The following SPEG variants were observed in gnomAD, a reference collection of about 807,000 sequenced individuals.
SPEG encodes striated muscle preferentially expressed protein kinase.
In SPEG, 114 loss-of-function variants were observed where a neutral mutation model predicts 300.4. That is an observed-to-expected ratio of 0.38 (90% CI 0.33 to 0.44). The LOEUF is 0.44. SPEG is among the 20% of genes least tolerant of loss of function. The probability of loss-of-function intolerance (pLI) is 1.00; values close to 1 mark genes in which losing one functional copy is unlikely to be tolerated. For synonymous variants in SPEG, 1,964 were observed against 2,018.9 expected (o/e 0.97, Z 0.73); for missense variants, 4,201 against 4,586.2 (o/e 0.92, Z 2.43).
At chr2:219,468,258 T>C (rs1386409165) in intron 10 of SPEG, among the ~76,000 whole-genome samples, 1 of 145,252 alleles carries the variant, frequency 6.9e-6, no homozygotes, top group Non-Finnish European at 1.5e-5. Flanking sequence ...TAGGACCCTA[T>C]CAGAGCTGGG....
chr2:219,489,972 G>C lies in SPEG; in HGVS notation c.8921+33G>C, dbSNP rs747834821. 4 of 1,530,378 alleles carry C rather than the reference G, an allele frequency of 2.6e-6. No individual in the cohort carries two copies. In the African/African-American group the frequency reaches 5.5e-5, roughly 21 times the overall value. The allele number at this position is 1,530,378 out of a possible 1,614,324, so 94.8% of individuals were successfully genotyped here. A position where few individuals can be genotyped will look rare whatever the true frequency, so the allele number is the denominator to read the frequency against. ...GGGCTGGGGAAGGGAAGAGGACAGA[G>C]GGGAGTGGGCCAAATGTCTGGAGCA... On this transcript the variant is annotated intron_variant, in intron 36 of 40. Coordinates refer to ENST00000312358, the MANE Select transcript of SPEG (RefSeq NM_005876.5).
At position 219,445,082 on chromosome 2, in the gene SPEG, G is replaced by C. The variant is rs923096098; in HGVS notation, c.736G>C (p.Glu246Gln). Residue 246 changes from glutamate (E) to glutamine (Q), a missense_variant, in exon 3 of 41, where the codon GAG (glutamate) becomes CAG (glutamine). Physicochemically the swap from Glu to Gln is conservative, Grantham distance 29 (BLOSUM62 2). This residue lies in a region of SPEG where 1,258 missense variants were observed against 1,293.9 expected (regional missense o/e 0.97). Transcript: ENST00000312358. The surrounding 1 kb of genome is among the most constrained non-coding windows in gnomAD (Gnocchi z 6.1). ...ANLVGASWGSEDSLSVASDLY... is the reference protein window; with the variant it reads ...ANLVGASWGSQDSLSVASDLY... ...TCTGGTGGGCGCAAGCTGGGGGTCA[G>C]AGGATAGCCTTTCCGTGGCCAGTGA... is the stretch of plus-strand genomic sequence containing the variant. 1.2e-6 allele frequency: 2 copies of C among 1,604,882 alleles called. No homozygotes were observed. The highest frequency in any genetic ancestry group is 1.7e-6 in the Non-Finnish European group (2 of 1,175,862).
chr2:219,462,380 T>A lies in SPEG; in HGVS notation c.2699T>A (p.Val900Asp). 6.4e-7 allele frequency: 1 copy of A among 1,557,568 alleles called. No individual in the cohort carries two copies. The highest frequency in any genetic ancestry group is 8.7e-7 in the Non-Finnish European group (1 of 1,150,060). ...IRVQGEPKPV[V>D]SWLRNRQPVR... ...GTGCAGGGGGAGCCCAAGCCTGTGG[T>A]CTCCTGGTGAGTAGCCGCACTTTCC... is the stretch of plus-strand genomic sequence containing the variant. Residue 900 changes from valine to aspartate, a missense_variant, in exon 8 of 41, where the codon GTC (valine) becomes GAC (aspartate). By Grantham distance (152) the Val-to-Asp change is radical. Transcript: ENST00000312358.
Position 219,479,293 on chromosome 2 carries a change from C to A in SPEG, c.5085+92C>A. On this transcript the variant is annotated intron_variant, in intron 23 of 40. Transcript: ENST00000312358. The surrounding 1 kb of genome is among the most constrained non-coding windows in gnomAD (Gnocchi z 5.5). ...AACAAATGGGTCCTGAGTGTGCCAT[C>A]TGTGCCCACAGGAAGCCAGGGGTGG... 8.8e-7 allele frequency: 1 copy of A among 1,132,304 alleles called. No homozygotes were observed. The highest frequency in any genetic ancestry group is 1.3e-6 in the Non-Finnish European group (1 of 764,542). The allele number at this position is 1,132,304 out of a possible 1,614,324, so 70.1% of individuals were successfully genotyped here.
rs1386217462 is a variant in SPEG, at chr2:219,483,571, G to C, written c.6108G>C (p.Ala2036=). ...TGGGCCGGGGCCTGCACAAGGCGGC[G>C]TCTGTGGAGCTGCCGCAGCGCCGGA... ...RELGRGLHKA[A]SVELPQRRSP... Residue 2036 remains alanine (A), a synonymous_variant, in exon 30 of 41, where the codon GCG becomes GCC. Coordinates refer to ENST00000312358, the MANE Select transcript of SPEG (RefSeq NM_005876.5). 4.8e-6 allele frequency: 7 copies of C among 1,456,712 alleles called. No homozygotes were observed. In the South Asian group the frequency reaches 7.0e-5, roughly 15 times the overall value. 90.2% of individuals were successfully genotyped at this position (1,456,712 alleles called of 1,614,324 possible). A position where few individuals can be genotyped will look rare whatever the true frequency, so the allele number is the denominator to read the frequency against.
Position 219,481,303 on chromosome 2 carries a change from G to A in SPEG, c.5370-1G>A. The A allele has an allele frequency of 6.2e-7, 1 of 1,613,896 alleles. No individual in the cohort carries two copies. Among genetic ancestry groups the A allele is most frequent in the African/African-American group, 1.3e-5 (1 of 75,004 alleles). On this transcript the variant is annotated splice_acceptor_variant, in intron 26 of 40. Transcript: ENST00000312358. LOFTEE classifies it high-confidence loss of function. This position sits in a 1 kb window ranked among gnomAD's most constrained non-coding sequence, Gnocchi z 5.4. ...CATGACAGCCCTCTTCACCCCTGCA[G>A]TCTGACAGGAATCTCCCCGTTTGTT...
At chr2:219,491,704 G>T (rs1387096304) in intron 38 of SPEG, 90 bp from the exon 39 acceptor site, 20 of 979,476 alleles carry the variant, frequency 2.0e-5, no homozygotes, top group Non-Finnish European at 3.0e-5. Context: ...CCAGGACATT[G>T]TCCTGCTGCT....
At chr2:219,466,893 C>G (rs1489782719) in intron 9 of SPEG, 16 of 1,208,496 alleles carry the variant, frequency 1.3e-5, no homozygotes, top group Non-Finnish European at 1.7e-5. Context: ...TTTCCCCCGC[C>G]GATGTCTCTG....
At chr2:219,467,768 G>A (rs1021864480) in intron 10 of SPEG, among the ~76,000 whole-genome samples, 7 of 152,240 alleles carry the variant, frequency 4.6e-5, no homozygotes, top group African/African-American at 1.7e-4. Context: ...TTCATCTGTA[G>A]AACAGGGATG....
intron 1 of SPEG, among the ~76,000 whole-genome samples, chr2:219,438,747 G>A (rs888951894): frequency 2.0e-5 from 3 of 152,150 alleles, no homozygotes; most frequent in African/African-American, 7.2e-5. Flanking sequence ...TCATAGCTAG[G>A]GTCTGGAAGA....
Position 219,473,472 on chromosome 2 carries a change from C to G in SPEG, c.4148-32C>G. ...GGGTGCTGAGGACCTGATGTCAAGCCCAGCACAGAGCCTGCGCTCTCCTCC... is the reference window on the plus strand; with the variant it reads ...GGGTGCTGAGGACCTGATGTCAAGCGCAGCACAGAGCCTGCGCTCTCCTCC... On this transcript the variant is annotated intron_variant, in intron 16 of 40. Coordinates refer to ENST00000312358, the MANE Select transcript of SPEG (RefSeq NM_005876.5). The surrounding 1 kb of genome is among the most constrained non-coding windows in gnomAD (Gnocchi z 4.6). 6.2e-7 allele frequency: 1 copy of G among 1,610,244 alleles called. No individual in the cohort carries two copies. The highest frequency in any genetic ancestry group is 1.3e-5 in the African/African-American group (1 of 74,964).
chr2:219,488,347 G>C (rs1323395715), intron 32 of SPEG, 37 bp downstream of exon 32: 2 of 1,553,796 alleles, frequency 1.3e-6, no homozygotes, highest in Admixed American at 3.5e-5. Flanking sequence ...AGGGAGGCCA[G>C]CAAGTGGCCC....
In SPEG at chr2:219,490,590, C is replaced by T; in HGVS notation, c.9103C>T (p.Leu3035Phe). 3 of 1,613,882 alleles carry T rather than the reference C, an allele frequency of 1.9e-6. No homozygotes were observed. Among genetic ancestry groups the T allele is most frequent in the Non-Finnish European group, 2.5e-6 (3 of 1,179,780 alleles). ...LHEAYITPRY[L>F]VLIAESCGNR... The stretch of plus-strand genomic sequence containing the variant: ...CGAGGCCTACATCACCCCTCGGTAC[C>T]TCGTGCTCATTGCTGAGAGCTGTGG... Residue 3035 changes from leucine (L) to phenylalanine (F), a missense_variant, in exon 37 of 41, where the codon CTC (leucine) becomes TTC (phenylalanine). Transcript: ENST00000312358.
At chr2:219,456,379 G>A (rs1690184058) in intron 6 of SPEG, among the ~76,000 whole-genome samples, 2 of 152,202 alleles carry the variant, frequency 1.3e-5, no homozygotes, top group African/African-American at 4.8e-5. Flanking sequence ...GTCAGTCCTC[G>A]ATGGGGGTTT....
intron 9 of SPEG, chr2:219,466,838 T>C (rs1691406125): frequency 9.1e-7 from 1 of 1,101,828 alleles, no homozygotes. Flanking sequence ...ATTTCTTAAC[T>C]CAAATAAAGT....
At chr2:219,486,535 A>AG (rs1693438866) in intron 31 of SPEG, among the ~76,000 whole-genome samples, 1 of 151,968 alleles carries the variant, frequency 6.6e-6, no homozygotes, top group Admixed American at 6.6e-5. Context: ...GTGGAGAGTG[A>AG]GGGGGAAAGA....
At chr2:219,453,013 C>T (rs1689886527) in intron 6 of SPEG, among the ~76,000 whole-genome samples, 1 of 152,218 alleles carries the variant, frequency 6.6e-6, no homozygotes, top group South Asian at 2.1e-4. Context: ...TCTCCTCCTC[C>T]TACCCCTCCT....
Position 219,473,255 on chromosome 2 carries a change from C to A in SPEG, c.4147+159C>A, listed in dbSNP as rs1692051539. 2 of 799,968 alleles carry A rather than the reference C, an allele frequency of 2.5e-6. No individual in the cohort carries two copies. The highest frequency in any genetic ancestry group is 3.9e-6 in the Non-Finnish European group (2 of 512,302). The allele number at this position is 799,968 out of a possible 1,614,324, so 49.6% of individuals were successfully genotyped here. ...CCATCTGTACACTTCCTTCTCCCTC[C>A]TGAAAGCAGCAGGGCACGGTGGCTG... is the stretch of plus-strand genomic sequence containing the variant. On this transcript the variant is annotated intron_variant, in intron 16 of 40. Coordinates refer to ENST00000312358, the MANE Select transcript of SPEG (RefSeq NM_005876.5). The surrounding 1 kb of genome is among the most constrained non-coding windows in gnomAD (Gnocchi z 4.6).
intron 1 of SPEG, among the ~76,000 whole-genome samples, chr2:219,436,464 G>T (rs900671238): frequency 1.3e-5 from 2 of 152,258 alleles, no homozygotes; most frequent in Non-Finnish European, 2.9e-5. Flanking sequence ...AAGGAGCTGG[G>T]GGTTCACTCC....
Sources: gnomAD v4.1 joint callset for allele counts (sites outside exome capture counted in the v4.1 genomes callset) on GRCh38, gnomAD v4.1.1 for gene constraint, gnomAD v4.1.1 regional missense constraint, Gnocchi (gnomAD v3.1) non-coding constraint, MANE v1.5 for transcripts, NCBI Gene and HGNC (gene_info 2026-07-23, HGNC 2026-07-21) for gene names.